RPS6: variants seen among roughly 807,000 people sequenced by gnomAD.
RPS6 encodes the protein ribosomal protein S6, also known as small ribosomal subunit protein eS6.
Under a neutral mutation model 27.1 loss-of-function variants are expected in RPS6, and 1 was observed. That is an observed-to-expected ratio of 0.04 (90% confidence interval 0.01 to 0.18). RPS6 has a LOEUF of 0.18. RPS6 is among the 10% of genes least tolerant of loss of function. The pLI is 1.00. For synonymous variants in RPS6, 152 were observed against 106.0 expected (o/e 1.43, Z -2.66); for missense variants, 259 against 319.1 (o/e 0.81, Z 1.44).
intron 4 of RPS6, 116 bp downstream of exon 4, chr9:19,378,252 T>TC: frequency 9.9e-7 from 1 of 1,007,958 alleles, no homozygotes; most frequent in Non-Finnish European, 1.5e-6. Context: ...CTGTAAAAAC[T>TC]CCAAGTGAAT....
At chr9:19,380,169 A>ACACTCGCCACCATCACCTAC (rs780190215) in intron 1 of RPS6, 21 bp downstream of exon 1, 510 of 1,613,956 alleles carry the variant, frequency 3.2e-4, no homozygotes, top group Non-Finnish European at 4.0e-4. Flanking sequence ...ACCCAGTCTA[A>ACACTCGCCACCATCACCTAC]CACTCGCCAC....
intron 4 of RPS6, 128 bp from the exon 5 acceptor site, chr9:19,376,779 C>T: frequency 1.3e-6 from 1 of 780,420 alleles, no homozygotes. Flanking sequence ...CCTTTAAAAT[C>T]AAATCAGAAC....
At chr9:19,379,970 G>A in intron 1 of RPS6, 5 of 1,439,114 alleles carry the variant, frequency 3.5e-6, no homozygotes, top group East Asian at 2.5e-5. Flanking sequence ...GCGCGGGGAC[G>A]CCACCATGGC....
intron 4 of RPS6, among the ~76,000 whole-genome samples, chr9:19,378,157 C>T (rs895614925): frequency 6.6e-6 from 1 of 152,114 alleles, no homozygotes; most frequent in African/African-American, 2.4e-5. Context: ...AGATTTTCAA[C>T]GAAATTACTG....
At chr9:19,380,082 C>T in intron 1 of RPS6, 108 bp downstream of exon 1, 3 of 1,612,716 alleles carry the variant, frequency 1.9e-6, no homozygotes, top group Non-Finnish European at 2.5e-6. Flanking sequence ...TGAGACCCTT[C>T]TCCACCTAAA....
Position 19,376,115 on chromosome 9 carries a change from T to C in RPS6, c.*178A>G, listed in dbSNP as rs775195856. The C allele has an allele frequency of 2.8e-4, 164 of 591,570 alleles. No homozygotes were observed. The highest frequency in any genetic ancestry group is 4.3e-4 in the Non-Finnish European group (146 of 341,908). 36.6% of individuals were successfully genotyped at this position (591,570 alleles called of 1,614,324 possible). ...GAAAGGAACCCCTGTACACTGACCTTGTCTTCCACTACCACACACAATAGG... is the reference window on the plus strand; with the variant it reads ...GAAAGGAACCCCTGTACACTGACCTCGTCTTCCACTACCACACACAATAGG... On this transcript the variant is annotated 3_prime_UTR_variant, in exon 6 of 6. Transcript: ENST00000380394.
At chr9:19,376,762 A>T (rs1279214179) in intron 4 of RPS6, 111 bp from the exon 5 acceptor site, 3 of 1,020,550 alleles carry the variant, frequency 2.9e-6, no homozygotes, top group Non-Finnish European at 4.2e-6. Context: ...GAAAACCTAT[A>T]ATGAGGCCTT....
rs757742319 is a variant in RPS6, at chr9:19,379,514, A to T, written c.111T>A (p.Ala37=). 3.1e-6 allele frequency: 5 copies of T among 1,614,224 alleles called. No homozygotes were observed. In the South Asian group the frequency reaches 5.5e-5, roughly 18 times the overall value. The change falls in exon 2 of 6, where the codon GCT becomes GCA. Residue 37 remains alanine (A), a synonymous_variant. Transcript: ENST00000380394. ...FYEKRMATEV[A]ADALGEEWKG... ...TCCATTCTTCACCCAGAGCGTCAGC[A>T]GCAACTTCTGTGGCCATACGCTTCT...
At chr9:19,379,012 A>G in intron 2 of RPS6, 94 bp from the exon 3 acceptor site, 1 of 1,222,104 alleles carries the variant, frequency 8.2e-7, no homozygotes. Context: ...CCTATATGAG[A>G]AAGTATAATT....
chr9:19,376,496 T>G lies in RPS6; in HGVS notation c.652A>C (p.Lys218Gln), dbSNP rs1242822688. The change falls in exon 5 of 6, where the codon AAG (lysine) becomes CAG (glutamine). Residue 218 changes from lysine to glutamine, a missense_variant and splice_region_variant. Lys to Gln is a moderately conservative substitution (Grantham distance 53, BLOSUM62 1). This residue lies in a region of RPS6 where 191 missense variants were observed against 231.6 expected (regional missense o/e 0.82). Transcript: ENST00000380394. ...EYAKLLAKRM[K>Q]EAKEKRQEQI... ...CCCTCAAATCATCTTAGACTAACCT[T>G]CATTCTCTTGGCCAAAAGTTTAGCA... 1 of 1,613,860 alleles carries G rather than the reference T, an allele frequency of 6.2e-7. No individual in the cohort carries two copies.
chr9:19,379,244 A>G lies in RPS6; in HGVS notation c.138+243T>C. On this transcript the variant is annotated intron_variant, in intron 2 of 5. Transcript: ENST00000380394. ...GGGATTATGAGGACAGCTATGTGAC[A>G]TATTGCCAAATGCATGATGCAGGGC... 11 of 1,377,740 alleles carry G rather than the reference A, an allele frequency of 8.0e-6. No homozygotes were observed. In the South Asian group the frequency reaches 1.1e-4, roughly 13 times the overall value. The allele number at this position is 1,377,740 out of a possible 1,614,324, so 85.3% of individuals were successfully genotyped here.
intron 4 of RPS6, among the ~76,000 whole-genome samples, chr9:19,377,364 T>C (rs1205117175): frequency 6.6e-5 from 10 of 150,846 alleles, no homozygotes. Context: ...GCTATGATTA[T>C]GGGCAACTGC....
chr9:19,375,744 CATTTCCTTTTCAGTGTGT>C lies in RPS6; in HGVS notation c.*531_*548del, dbSNP rs1297181075. 1 of 152,240 alleles carries C rather than the reference CATTTCCTTTTCAGTGTGT, an allele frequency of 6.6e-6. No homozygotes were observed. The highest frequency in any genetic ancestry group is 1.5e-5 in the Non-Finnish European group (1 of 68,102). The allele number at this position is 152,240 out of a possible 1,614,324, so 9.4% of individuals were successfully genotyped here. A position where few individuals can be genotyped will look rare whatever the true frequency, so the allele number is the denominator to read the frequency against. On this transcript the variant is annotated 3_prime_UTR_variant, in exon 6 of 6. Transcript: ENST00000380394. ...TCACTGATCCAAGAATGTTTTTAGT[CATTTCCTTTTCAGTGTGT>C]GAACAGCCTAACAATTCACTGGAGT...
chr9:19,379,192 T>C (rs1829638556), intron 2 of RPS6: 3 of 988,986 alleles, frequency 3.0e-6, no homozygotes, highest in African/African-American at 3.3e-5. Flanking sequence ...AACAAACAAA[T>C]CAGATACAAC....
Position 19,376,367 on chromosome 9 carries a change from C to G in RPS6, c.676G>C (p.Glu226Gln). Residue 226 changes from glutamate to glutamine, a missense_variant, in exon 6 of 6, where the codon GAA (glutamate) becomes CAA (glutamine). This residue lies in a region of RPS6 where 191 missense variants were observed against 231.6 expected (regional missense o/e 0.82). Transcript: ENST00000380394. ...RMKEAKEKRQEQIAKRRRLSS... is the reference protein window; with the variant it reads ...RMKEAKEKRQQQIAKRRRLSS... Reference sequence around the variant, plus strand: ...AGTCTGCGTCTCTTCGCAATTTGTTCCTGGCGCTTCTCCTTAGCCTCCTAA... The same window carrying G: ...AGTCTGCGTCTCTTCGCAATTTGTTGCTGGCGCTTCTCCTTAGCCTCCTAA... The G allele has an allele frequency of 6.2e-7, 1 of 1,614,126 alleles. No homozygotes were observed. Among genetic ancestry groups the G allele is most frequent in the Non-Finnish European group, 8.5e-7 (1 of 1,180,020 alleles).
chr9:19,379,717 T>G (rs1829648128), intron 1 of RPS6, 99 bp from the exon 2 acceptor site: 5 of 1,514,400 alleles, frequency 3.3e-6, no homozygotes, highest in Non-Finnish European at 4.4e-6. Context: ...GCCTTTCATG[T>G]TGCCTCCACA....
Position 19,379,473 on chromosome 9 carries a change from T to A in RPS6, c.138+14A>T. ...CTCTGACTTAAATACCTGCAACAAT[T>A]TGTCAACTTTTACCTTCCATTCTTC... On this transcript the variant is annotated intron_variant, in intron 2 of 5. Transcript: ENST00000380394. 6.2e-7 allele frequency: 1 copy of A among 1,614,042 alleles called. No individual in the cohort carries two copies.
At chr9:19,379,086 C>G (rs188775510) in intron 2 of RPS6, 168 bp from the exon 3 acceptor site, 69 of 798,742 alleles carry the variant, frequency 8.6e-5, no homozygotes, top group Non-Finnish European at 7.7e-5. Flanking sequence ...ATATTCCCAA[C>G]TTGTCAAGTT....
rs1165649596 is a variant in RPS6, at chr9:19,375,877, C to G, written c.*416G>C. ...AAACTAGGTATCCACTAAAACTATG[C>G]CTTAAAAGTTACCTTTTAAAAAAGA... On this transcript the variant is annotated 3_prime_UTR_variant, in exon 6 of 6. Coordinates refer to ENST00000380394, the MANE Select transcript of RPS6 (RefSeq NM_001010.3). The G allele has an allele frequency of 6.5e-6, 1 of 153,438 alleles. No homozygotes were observed. Among genetic ancestry groups the G allele is most frequent in the African/African-American group, 2.4e-5 (1 of 41,076 alleles). The allele number at this position is 153,438 out of a possible 1,614,324, so 9.5% of individuals were successfully genotyped here. A position where few individuals can be genotyped will look rare whatever the true frequency, so the allele number is the denominator to read the frequency against.
Sources: allele counts gnomAD v4.1 joint callset (sites outside exome capture counted in the v4.1 genomes callset), GRCh38; gene constraint gnomAD v4.1.1; regional missense constraint gnomAD v4.1.1; transcripts MANE v1.5; gene names NCBI Gene and HGNC (gene_info 2026-07-23, HGNC 2026-07-21).